DCUN1D2: variants seen among roughly 807,000 people sequenced by gnomAD.
DCUN1D2 encodes defective in cullin neddylation 1 domain containing 2, also known as DCN1-like protein 2.
DCUN1D2 carries 29 observed loss-of-function variants against 30.9 expected under a neutral mutation model. The ratio of observed to expected loss-of-function variants is 0.94; its 90% confidence interval spans 0.70 to 1.28. The LOEUF (loss-of-function observed/expected upper bound fraction) is 1.28. Ranked by LOEUF, DCUN1D2 falls within the 50% of genes most tolerant of loss-of-function variation. The probability of loss-of-function intolerance (pLI) is 0.00; values close to 1 mark genes in which losing one functional copy is unlikely to be tolerated. For synonymous variants in DCUN1D2, 121 were observed against 115.3 expected (o/e 1.05, Z -0.32); for missense variants, 325 against 316.9 (o/e 1.03, Z -0.19).
chr13:113,483,905 T>A lies in DCUN1D2; in HGVS notation c.155A>T (p.His52Leu). 6.2e-7 allele frequency: 1 copy of A among 1,613,970 alleles called. No homozygotes were observed. Among genetic ancestry groups the A allele is most frequent in the Non-Finnish European group, 8.5e-7 (1 of 1,180,056 alleles). ...DSFFQNPDSL[H>L]RESMRNAVDK... Reference sequence around the variant, plus strand: ...CACAGCGTTCCGCATGGACTCCCTGTGGAGCGAGTCTGGGTTTTGGAAGAA... The same window carrying A: ...CACAGCGTTCCGCATGGACTCCCTGAGGAGCGAGTCTGGGTTTTGGAAGAA... The change falls in exon 2 of 7, where the codon CAC becomes CTC. Residue 52 changes from histidine (H) to leucine (L), a missense_variant. His to Leu is a moderately conservative substitution (Grantham distance 99). Coordinates refer to ENST00000478244, the MANE Select transcript of DCUN1D2 (RefSeq NM_001014283.2).
chr13:113,464,508 T>G (rs1287358205), intron 4 of DCUN1D2, among the ~76,000 whole-genome samples: 1 of 152,248 alleles, frequency 6.6e-6, no homozygotes, highest in African/African-American at 2.4e-5. Context: ...GCAATTAATT[T>G]AGACTCTAAT....
intron 4 of DCUN1D2, among the ~76,000 whole-genome samples, chr13:113,468,065 A>AG (rs2044437094): frequency 7.0e-6 from 1 of 141,864 alleles, no homozygotes; most frequent in Non-Finnish European, 1.5e-5. Flanking sequence ...AAAAAAAAAA[A>AG]GAATTAAAAG....
intron 3 of DCUN1D2, among the ~76,000 whole-genome samples, chr13:113,476,842 G>A (rs1318566006): frequency 6.6e-6 from 1 of 152,200 alleles, no homozygotes; most frequent in East Asian, 1.9e-4. Flanking sequence ...ATGCGGTAGA[G>A]GTCAGGATTT....
intron 4 of DCUN1D2, among the ~76,000 whole-genome samples, chr13:113,470,990 A>C (rs2044500318): frequency 6.7e-6 from 1 of 149,388 alleles, no homozygotes; most frequent in African/African-American, 2.5e-5. Flanking sequence ...TCTACAGAGG[A>C]CCCAACTCCA....
chr13:113,466,004 G>A (rs1384051157), intron 4 of DCUN1D2, among the ~76,000 whole-genome samples: 1 of 152,156 alleles, frequency 6.6e-6, no homozygotes, highest in Non-Finnish European at 1.5e-5. Flanking sequence ...TTGTGCCTCA[G>A]CCTCCTGAGT....
At chr13:113,468,229 T>G (rs1410272948) in intron 4 of DCUN1D2, among the ~76,000 whole-genome samples, 1 of 151,978 alleles carries the variant, frequency 6.6e-6, no homozygotes, top group Non-Finnish European at 1.5e-5. Flanking sequence ...GGAAGGAAAT[T>G]CTGACATATA....
At chr13:113,468,363 C>T (rs1366043162) in intron 4 of DCUN1D2, among the ~76,000 whole-genome samples, 1 of 152,048 alleles carries the variant, frequency 6.6e-6, no homozygotes, top group Non-Finnish European at 1.5e-5. Context: ...ATGGGGGCTG[C>T]CAGTGGCTGG....
In DCUN1D2 at chr13:113,482,098, T is replaced by G. The variant is rs149063883; in HGVS notation, c.221-1355A>C. Among the ~76,000 whole-genome samples the G allele has an allele frequency of 1.9e-3, 291 of 152,304 alleles. 1 individual carries two copies. The highest frequency in any genetic ancestry group is 6.6e-3 in the African/African-American group (274 of 41,566). On this transcript the variant is annotated intron_variant, in intron 2 of 6. Coordinates refer to ENST00000478244, the MANE Select transcript of DCUN1D2 (RefSeq NM_001014283.2). ...GAGCTAATAAACCATCTCAGTAAAT[T>G]TCATTACAACCGTGTTCAACATTTC... is the stretch of plus-strand genomic sequence containing the variant.
At chr13:113,484,585 A>G (rs530230830) in intron 1 of DCUN1D2, among the ~76,000 whole-genome samples, 6 of 152,342 alleles carry the variant, frequency 3.9e-5, no homozygotes, top group African/African-American at 1.4e-4. Context: ...AAATTTCACA[A>G]GCAGGCACAA....
At chr13:113,469,601 A>C (rs754320266) in intron 4 of DCUN1D2, among the ~76,000 whole-genome samples, 1 of 152,212 alleles carries the variant, frequency 6.6e-6, no homozygotes, top group Non-Finnish European at 1.5e-5. Context: ...GGATCACTGA[A>C]ACCCAGGAGC....
chr13:113,477,128 C>T (rs557269760), intron 3 of DCUN1D2, among the ~76,000 whole-genome samples: 14 of 152,130 alleles, frequency 9.2e-5, no homozygotes, highest in African/African-American at 7.2e-5. Context: ...TTTTTGACTG[C>T]GCGTTTTCAT....
chr13:113,483,664 A>T (rs1183467902), intron 2 of DCUN1D2, among the ~76,000 whole-genome samples, 176 bp downstream of exon 2: 1 of 147,768 alleles, frequency 6.8e-6, no homozygotes, highest in Non-Finnish European at 1.5e-5. Context: ...TCACAGTCCC[A>T]GCCCCATTTA....
intron 4 of DCUN1D2, among the ~76,000 whole-genome samples, chr13:113,465,851 G>GTA (rs770487046): frequency 1.6e-4 from 24 of 149,900 alleles, no homozygotes; most frequent in Non-Finnish European, 2.8e-4. Flanking sequence ...ATGTATGTAT[G>GTA]TGTGTGTATA....
In DCUN1D2 at chr13:113,456,393, C is replaced by G. The variant is rs1352573666; in HGVS notation, c.*1636G>C. ...CTCCAAGCACACTAACCTCAGCCAT[C>G]AGATGTTCCTGAAGCCCAGGGTAAG... On this transcript the variant is annotated 3_prime_UTR_variant, in exon 7 of 7. Coordinates refer to ENST00000478244, the MANE Select transcript of DCUN1D2 (RefSeq NM_001014283.2). 16 of 398,752 alleles carry G rather than the reference C, an allele frequency of 4.0e-5. No individual in the cohort carries two copies. The East Asian group carries it at 5.7e-4, about 14-fold the overall frequency. 24.7% of individuals were successfully genotyped at this position (398,752 alleles called of 1,614,324 possible).
chr13:113,483,894 T>A lies in DCUN1D2; in HGVS notation c.166A>T (p.Met56Leu). 6.2e-7 allele frequency: 1 copy of A among 1,613,820 alleles called. No individual in the cohort carries two copies. The highest frequency in any genetic ancestry group is 8.5e-7 in the Non-Finnish European group (1 of 1,180,052). Residue 56 changes from methionine (M) to leucine (L), a missense_variant, in exon 2 of 7, where the codon ATG (methionine) becomes TTG (leucine). Physicochemically the swap from Met to Leu is conservative, Grantham distance 15 (BLOSUM62 2). Coordinates refer to ENST00000478244, the MANE Select transcript of DCUN1D2 (RefSeq NM_001014283.2). ...TTCTTCTTGTCCACAGCGTTCCGCA[T>A]GGACTCCCTGTGGAGCGAGTCTGGG... The part of the protein sequence containing the change: ...QNPDSLHRES[M>L]RNAVDKKKLE...
Position 113,459,372 on chromosome 13 carries a change from TC to T in DCUN1D2, c.639del (p.Trp213Ter). The T allele has an allele frequency of 6.2e-7, 1 of 1,600,926 alleles. No individual in the cohort carries two copies. Among genetic ancestry groups the T allele is most frequent in the Non-Finnish European group, 8.6e-7 (1 of 1,168,108 alleles). Reference sequence around the variant, plus strand: ...ATGTTTCCAAAGTCCAGCAGGAGGTTCCAGGTGTCCCTTGGAATTGATCTTT... The same window carrying T: ...ATGTTTCCAAAGTCCAGCAGGAGGTTCAGGTGTCCCTTGGAATTGATCTTT... ...HHKRSIPRDT[W>X]NLLLDFGNMI... On this transcript the variant is annotated frameshift_variant, in exon 6 of 7. Coordinates refer to ENST00000478244, the MANE Select transcript of DCUN1D2 (RefSeq NM_001014283.2). LOFTEE classifies it high-confidence loss of function.
At chr13:113,469,357 C>T (rs1483443216) in intron 4 of DCUN1D2, among the ~76,000 whole-genome samples, 3 of 152,156 alleles carry the variant, frequency 2.0e-5, no homozygotes, top group Non-Finnish European at 4.4e-5. Context: ...TGAATGCATG[C>T]TGGGAAACAC....
At chr13:113,461,021 T>C in intron 5 of DCUN1D2, 33 bp downstream of exon 5, 1 of 1,431,914 alleles carries the variant, frequency 7.0e-7, no homozygotes, top group Non-Finnish European at 9.8e-7. Flanking sequence ...CCCTCCACAG[T>C]GGGCACACAG....
intron 3 of DCUN1D2, among the ~76,000 whole-genome samples, chr13:113,480,239 G>A (rs1050207300): frequency 3.4e-4 from 51 of 152,128 alleles, no homozygotes; most frequent in African/African-American, 1.2e-3. Context: ...GAAATTCTAC[G>A]TTTAATATAC....
Sources: gnomAD v4.1 joint callset for allele counts (sites outside exome capture counted in the v4.1 genomes callset) on GRCh38, gnomAD v4.1.1 for gene constraint, MANE v1.5 for transcripts, NCBI Gene and HGNC (gene_info 2026-07-23, HGNC 2026-07-21) for gene names.